The following ERGIC1 variants were observed in gnomAD, a reference collection of about 807,000 sequenced individuals.
ERGIC1 encodes endoplasmic reticulum-Golgi intermediate compartment protein 1.
A neutral mutation model predicts 38.3 loss-of-function variants in ERGIC1; 19 were observed. That is an observed-to-expected ratio of 0.50 (90% CI 0.35 to 0.73). ERGIC1 has a LOEUF of 0.73. Ranked by LOEUF, ERGIC1 falls within the 30% of genes least tolerant of loss-of-function variation. ERGIC1 has a pLI of 0.01. For missense variants in ERGIC1, 294 were observed against 389.2 expected, an observed-to-expected ratio of 0.76 and a Z score of 2.06; for synonymous variants, 124 against 157.6, an observed-to-expected ratio of 0.79 and a Z score of 1.60.
chr5:172,879,981 A>T (rs1396170114), intron 1 of ERGIC1, among the ~76,000 whole-genome samples: 1 of 152,162 alleles, frequency 6.6e-6, no homozygotes, highest in Non-Finnish European at 1.5e-5. Flanking sequence ...ATGAGCACTA[A>T]CAAGGATTGA....
intron 1 of ERGIC1, among the ~76,000 whole-genome samples, chr5:172,883,670 A>G (rs554290052): frequency 1.3e-5 from 2 of 152,284 alleles, no homozygotes; most frequent in South Asian, 2.1e-4. Context: ...TCCGGTGCCC[A>G]CTGTCTTCAC....
chr5:172,875,463 C>A (rs1701239357), intron 1 of ERGIC1, among the ~76,000 whole-genome samples: 2 of 152,148 alleles, frequency 1.3e-5, no homozygotes, highest in Admixed American at 6.5e-5. Flanking sequence ...CCCCTACCCC[C>A]CCAGCAGGCT....
intron 1 of ERGIC1, among the ~76,000 whole-genome samples, chr5:172,877,216 T>G (rs1762155785): frequency 6.6e-6 from 1 of 152,066 alleles, no homozygotes; most frequent in South Asian, 2.1e-4. Context: ...GGATTTTGAT[T>G]GGAATTGAGT....
chr5:172,834,474 G>T lies in ERGIC1; in HGVS notation c.20+41G>T. On this transcript the variant is annotated intron_variant, in intron 1 of 9. Coordinates refer to ENST00000393784, the MANE Select transcript of ERGIC1 (RefSeq NM_001031711.3). The surrounding 1 kb of genome is among the most constrained non-coding windows in gnomAD (Gnocchi z 4.1). Reference sequence around the variant, plus strand: ...CCGGCCAGTCGGGAGTTCCCTCAGCGGGCAGAGGGAGCGCCCCGGCACGCC... The same window carrying T: ...CCGGCCAGTCGGGAGTTCCCTCAGCTGGCAGAGGGAGCGCCCCGGCACGCC... The T allele has an allele frequency of 1.5e-6, 2 of 1,295,772 alleles. No individual in the cohort carries two copies. The highest frequency in any genetic ancestry group is 2.0e-6 in the Non-Finnish European group (2 of 1,018,872). The allele number at this position is 1,295,772 out of a possible 1,614,324, so 80.3% of individuals were successfully genotyped here.
rs1763778566 is a variant in ERGIC1, at chr5:172,931,728, G to A, written c.542-708G>A. ...CCGTGGTTCCTTGGGCATCTTTCCA[G>A]ATAATTCTCCTATATATTTACATGG... On this transcript the variant is annotated intron_variant, in intron 7 of 9. Transcript: ENST00000393784. Among the ~76,000 whole-genome samples, 7 of 152,236 alleles carry A rather than the reference G, an allele frequency of 4.6e-5. No individual in the cohort carries two copies. In the South Asian group the frequency reaches 1.5e-3, roughly 32 times the overall value.
chr5:172,871,861 A>G (rs528445236), intron 1 of ERGIC1, among the ~76,000 whole-genome samples: 1 of 152,334 alleles, frequency 6.6e-6, no homozygotes, highest in South Asian at 2.1e-4. Context: ...CCTGCTTATT[A>G]TAGAAAAAGT....
intron 2 of ERGIC1, among the ~76,000 whole-genome samples, chr5:172,893,207 G>T (rs1762611300): frequency 6.6e-6 from 1 of 152,156 alleles, no homozygotes; most frequent in Non-Finnish European, 1.5e-5. Context: ...AAGTGCAATG[G>T]TGTGATCTCG....
chr5:172,879,323 C>G (rs1762224961), intron 1 of ERGIC1, among the ~76,000 whole-genome samples: 1 of 152,224 alleles, frequency 6.6e-6, no homozygotes, highest in Non-Finnish European at 1.5e-5. Flanking sequence ...ATTCCTCACT[C>G]TGTAGGCAAG....
At chr5:172,851,745 T>G (rs1315055571) in intron 1 of ERGIC1, among the ~76,000 whole-genome samples, 3 of 152,026 alleles carry the variant, frequency 2.0e-5, no homozygotes, top group Non-Finnish European at 4.4e-5. Context: ...GTGACTGACT[T>G]AATTCCATCT....
intron 5 of ERGIC1, among the ~76,000 whole-genome samples, chr5:172,920,801 T>C (rs1763492790): frequency 1.3e-5 from 2 of 152,250 alleles, no homozygotes; most frequent in African/African-American, 2.4e-5. Flanking sequence ...CGGAAGGCCC[T>C]GTGTCACTGC....
At chr5:172,874,281 G>A (rs1223973778) in intron 1 of ERGIC1, among the ~76,000 whole-genome samples, 7 of 152,056 alleles carry the variant, frequency 4.6e-5, no homozygotes, top group African/African-American at 1.7e-4. Context: ...GGGTTTTACC[G>A]TGTTGGCCAG....
Position 172,935,208 on chromosome 5 carries a change from C to A in ERGIC1, c.663C>A (p.His221Gln), listed in dbSNP as rs1464836104. 1 of 1,614,178 alleles carries A rather than the reference C, an allele frequency of 6.2e-7. No homozygotes were observed. The highest frequency in any genetic ancestry group is 8.5e-7 in the Non-Finnish European group (1 of 1,180,030). Residue 221 changes from histidine to glutamine, a missense_variant, in exon 9 of 10, where the codon CAC becomes CAA. This residue lies in a region of ERGIC1 where 109 missense variants were observed against 112.7 expected (regional missense o/e 0.97). Coordinates refer to ENST00000393784, the MANE Select transcript of ERGIC1 (RefSeq NM_001031711.3). ...CCCAGGAATACGTCGCCTACAGCCA[C>A]ACGGGCCGCATCATCCCTGCAATCT... is the stretch of plus-strand genomic sequence containing the variant. ...VANKEYVAYS[H>Q]TGRIIPAIWF...
chr5:172,909,233 A>C (rs1425006883), intron 3 of ERGIC1, among the ~76,000 whole-genome samples: 8 of 131,794 alleles, frequency 6.1e-5, no homozygotes, highest in Admixed American at 8.9e-5. Context: ...GCAGTGGCGC[A>C]ATCTCGGCTC....
At chr5:172,850,266 G>A (rs573323370) in intron 1 of ERGIC1, among the ~76,000 whole-genome samples, 28 of 152,322 alleles carry the variant, frequency 1.8e-4, no homozygotes, top group Middle Eastern at 3.4e-3. Context: ...AGTCAAAGGA[G>A]GGCATGAGAA....
intron 4 of ERGIC1, among the ~76,000 whole-genome samples, chr5:172,911,981 A>G (rs1346112077): frequency 6.6e-6 from 1 of 151,528 alleles, no homozygotes; most frequent in Non-Finnish European, 1.5e-5. Flanking sequence ...GTCTGTGAAC[A>G]TATATTGGGT....
intron 5 of ERGIC1, among the ~76,000 whole-genome samples, chr5:172,923,735 G>A (rs1018727360): frequency 5.9e-5 from 9 of 152,162 alleles, no homozygotes; most frequent in Admixed American, 4.6e-4. Flanking sequence ...TGTGCCCGTC[G>A]CCCAGATGGG....
intron 2 of ERGIC1, among the ~76,000 whole-genome samples, chr5:172,890,777 G>C (rs1023110334): frequency 1.3e-5 from 2 of 152,218 alleles, no homozygotes; most frequent in Non-Finnish European, 2.9e-5. Flanking sequence ...CTGCCCCCCT[G>C]ATGGTCCCAG....
At chr5:172,869,778 C>A (rs1020937066) in intron 1 of ERGIC1, among the ~76,000 whole-genome samples, 1 of 152,196 alleles carries the variant, frequency 6.6e-6, no homozygotes, top group Non-Finnish European at 1.5e-5. Context: ...ATGGGACACC[C>A]GTTCTTCCTT....
At chr5:172,908,315 G>GAGC (rs1220727272) in intron 3 of ERGIC1, among the ~76,000 whole-genome samples, 5 of 8,360 alleles carry the variant, frequency 6.0e-4, no homozygotes, top group African/African-American at 1.2e-3. Context: ...GCGGGGGGGG[G>GAGC]GGGAGAGAGG....
Sources: allele counts gnomAD v4.1 joint callset (sites outside exome capture counted in the v4.1 genomes callset), GRCh38; gene constraint gnomAD v4.1.1; regional missense constraint gnomAD v4.1.1; non-coding constraint Gnocchi (gnomAD v3.1); transcripts MANE v1.5; gene names NCBI Gene and HGNC (gene_info 2026-07-23, HGNC 2026-07-21).